GALNTL6: variants seen among roughly 807,000 people sequenced by gnomAD.
GALNTL6 encodes the protein polypeptide N-acetylgalactosaminyltransferase like 6, also known as polypeptide N-acetylgalactosaminyltransferase-like 6.
GALNTL6 carries 46 observed loss-of-function variants against 73.7 expected under a neutral mutation model. The observed-to-expected ratio is 0.62, with a 90% CI of 0.49 to 0.80. The LOEUF (loss-of-function observed/expected upper bound fraction) is 0.80. Among genes scored for constraint, GALNTL6 ranks in the 30% least tolerant of loss-of-function variants. The pLI is 0.00. For missense variants in GALNTL6, 604 were observed against 755.0 expected, an observed-to-expected ratio of 0.80 and a Z score of 2.34; for synonymous variants, 259 against 263.7, an observed-to-expected ratio of 0.98 and a Z score of 0.17.
chr4:172,276,576 A>T (rs1738839730), intron 3 of GALNTL6, among the ~76,000 whole-genome samples: 1 of 152,206 alleles, frequency 6.6e-6, no homozygotes, highest in Non-Finnish European at 1.5e-5. Flanking sequence ...GTGTAATGCC[A>T]CCAGCACCAC....
intron 5 of GALNTL6, among the ~76,000 whole-genome samples, chr4:172,448,537 A>T (rs1732105106): frequency 6.6e-6 from 1 of 152,178 alleles, no homozygotes; most frequent in Non-Finnish European, 1.5e-5. Flanking sequence ...GGCTTATTTA[A>T]ATTCTTAAAA....
intron 2 of GALNTL6, among the ~76,000 whole-genome samples, chr4:171,980,860 G>A (rs184564): frequency 0.9 from 136,649 of 152,244 alleles, 62,830 homozygotes; most frequent in Non-Finnish European, 1. Flanking sequence ...TCCTAACTGA[G>A]GTTATTGCCA....
chr4:172,289,914 TAGCAG>T (rs1739404817), intron 3 of GALNTL6, among the ~76,000 whole-genome samples: 1 of 152,210 alleles, frequency 6.6e-6, no homozygotes, highest in Non-Finnish European at 1.5e-5. Context: ...CTCATGTAGT[TAGCAG>T]AGCACCATCT....
At chr4:172,837,619 T>C (rs1742982001) in intron 7 of GALNTL6, among the ~76,000 whole-genome samples, 4 of 152,202 alleles carry the variant, frequency 2.6e-5, no homozygotes, top group African/African-American at 9.7e-5. Flanking sequence ...AAAGCCTCCA[T>C]TTTCAGCTTA....
intron 2 of GALNTL6, among the ~76,000 whole-genome samples, chr4:172,021,330 A>G (rs1002123678): frequency 6.6e-6 from 1 of 152,098 alleles, no homozygotes; most frequent in African/African-American, 2.4e-5. Flanking sequence ...TTTGAAAGAA[A>G]GAAATGAAAT....
chr4:172,171,116 A>T (rs113473383), intron 2 of GALNTL6, among the ~76,000 whole-genome samples: 4,241 of 152,212 alleles, frequency 0.028, 116 homozygotes, highest in East Asian at 0.04. Context: ...CACAACAACA[A>T]CTCATAGCCA....
At chr4:172,219,760 T>A (rs1473291711) in intron 2 of GALNTL6, among the ~76,000 whole-genome samples, 1 of 151,968 alleles carries the variant, frequency 6.6e-6, no homozygotes, top group Non-Finnish European at 1.5e-5. Flanking sequence ...CATTTGGTAT[T>A]CAAGGAAATG....
At chr4:172,146,931 GTTAAGACAT>G (rs1416597027) in intron 2 of GALNTL6, among the ~76,000 whole-genome samples, 1 of 152,098 alleles carries the variant, frequency 6.6e-6, no homozygotes, top group Non-Finnish European at 1.5e-5. Flanking sequence ...ATAGAATTTT[GTTAAGACAT>G]TTAAATATAT....
intron 5 of GALNTL6, among the ~76,000 whole-genome samples, chr4:172,567,291 G>T (rs1213229384): frequency 6.6e-6 from 1 of 151,966 alleles, no homozygotes; most frequent in African/African-American, 2.4e-5. Flanking sequence ...TTGTGGACTG[G>T]ATTCAAGTCC....
intron 5 of GALNTL6, among the ~76,000 whole-genome samples, chr4:172,508,840 G>T: frequency 2.9e-5 from 1 of 34,070 alleles, no homozygotes; most frequent in African/African-American, 7.0e-5. Context: ...TCCATATTTT[G>T]CAATTGTGAA....
At chr4:172,922,826 G>A (rs2111296746) in intron 8 of GALNTL6, among the ~76,000 whole-genome samples, 1 of 152,326 alleles carries the variant, frequency 6.6e-6, no homozygotes, top group Non-Finnish European at 1.5e-5. Context: ...TCTGGTGAGG[G>A]GAGGCAGATG....
At chr4:172,548,316 T>C (rs1735845639) in intron 5 of GALNTL6, among the ~76,000 whole-genome samples, 1 of 152,206 alleles carries the variant, frequency 6.6e-6, no homozygotes. Flanking sequence ...CTCCAGGTGA[T>C]ATGTGGCTGT....
intron 2 of GALNTL6, among the ~76,000 whole-genome samples, chr4:172,025,902 A>G (rs1458824782): frequency 6.6e-6 from 1 of 152,016 alleles, no homozygotes; most frequent in East Asian, 1.9e-4. Flanking sequence ...ATATTTATCC[A>G]CATGTTAATT....
chr4:172,452,847 A>G (rs1732259666), intron 5 of GALNTL6, among the ~76,000 whole-genome samples: 1 of 152,226 alleles, frequency 6.6e-6, no homozygotes, highest in Non-Finnish European at 1.5e-5. Context: ...CTGGAAGAAA[A>G]AGAATATTAA....
At chr4:171,859,946 C>G (rs907903634) in intron 2 of GALNTL6, among the ~76,000 whole-genome samples, 2 of 152,188 alleles carry the variant, frequency 1.3e-5, no homozygotes, top group African/African-American at 4.8e-5. Context: ...TATAGAAACA[C>G]TCTTTTCAGG....
At position 172,309,194 on chromosome 4, in the gene GALNTL6, T is replaced by A. The variant is rs375321356; in HGVS notation, c.248-2420T>A. ...TGCTTTTTGAGAATATAATTTCTTA[T>A]CAATCCCCAGCCGTATGATCTTGGC... On this transcript the variant is annotated intron_variant, in intron 3 of 12. Transcript: ENST00000506823. Among the ~76,000 whole-genome samples, 6 of 152,238 alleles carry A rather than the reference T, an allele frequency of 3.9e-5. 1 individual carries two copies. Among genetic ancestry groups the A allele is most frequent in the Admixed American group, 1.3e-4 (2 of 15,286 alleles).
chr4:171,898,546 A>C (rs184511909), intron 2 of GALNTL6, among the ~76,000 whole-genome samples: 32 of 152,270 alleles, frequency 2.1e-4, no homozygotes, highest in Admixed American at 2.0e-3. Context: ...TGGTATATAA[A>C]CAACTTGTAT....
rs143095379 is a variant in GALNTL6 at position 171,917,738 on chromosome 4, A to G, written c.138+103020A>G. Reference sequence around the variant, plus strand: ...GTTTACTAGCATGTTTTATTTATTTATTGAACTTACAAATTATAATCAGAA... The same window carrying G: ...GTTTACTAGCATGTTTTATTTATTTGTTGAACTTACAAATTATAATCAGAA... On this transcript the variant is annotated intron_variant, in intron 2 of 12. Transcript: ENST00000506823. Among the ~76,000 whole-genome samples the G allele has an allele frequency of 8.0e-3, 1,211 of 152,188 alleles. 21 individuals carry two copies. The highest frequency in any genetic ancestry group is 0.011 in the Non-Finnish European group (731 of 67,980).
chr4:172,848,545 C>T (rs374595171), intron 7 of GALNTL6, among the ~76,000 whole-genome samples: 1 of 152,012 alleles, frequency 6.6e-6, no homozygotes, highest in African/African-American at 2.4e-5. Context: ...GGATTCAGAC[C>T]CTTCTGGGAA....
Sources: gnomAD v4.1 joint callset for allele counts (sites outside exome capture counted in the v4.1 genomes callset) on GRCh38, gnomAD v4.1.1 for gene constraint, MANE v1.5 for transcripts, NCBI Gene and HGNC (gene_info 2026-07-23, HGNC 2026-07-21) for gene names.